The following SLC18A1 variants were observed in gnomAD, a reference collection of about 807,000 sequenced individuals.
SLC18A1 encodes the protein solute carrier family 18 member A1, also known as chromaffin granule amine transporter.
SLC18A1 carries 69 observed loss-of-function variants against 53.7 expected under a neutral mutation model. That is an observed-to-expected ratio of 1.28 (90% CI 1.06 to 1.57). The LOEUF is 1.57. Ranked by LOEUF, SLC18A1 falls within the 40% of genes most tolerant of loss-of-function variation. The pLI is 0.00. For missense variants in SLC18A1, 932 were observed against 668.1 expected (o/e 1.40, Z -4.35); for synonymous variants, 320 against 248.1 (o/e 1.29, Z -2.72).
chr8:20,168,930 A>G (rs73669732), intron 8 of SLC18A1, among the ~76,000 whole-genome samples: 12,675 of 152,264 alleles, frequency 0.083, 1,411 homozygotes, highest in East Asian at 0.28. Flanking sequence ...TGGGTCAGTC[A>G]AGAATCATCA....
chr8:20,167,230 A>G (rs576675029), intron 8 of SLC18A1, among the ~76,000 whole-genome samples: 2 of 152,262 alleles, frequency 1.3e-5, no homozygotes, highest in Admixed American at 1.3e-4. Flanking sequence ...TAATGGAAGT[A>G]CGGTAATTTC....
rs76273579 is a variant in SLC18A1, at chr8:20,171,967, T to A, written c.725-473A>T. Among the ~76,000 whole-genome samples the A allele has an allele frequency of 7.5e-3, 1,138 of 152,298 alleles. 12 individuals are homozygous for A. Among genetic ancestry groups the A allele is most frequent in the African/African-American group, 0.024 (987 of 41,550 alleles). On this transcript the variant is annotated intron_variant, in intron 6 of 15. Transcript: ENST00000276373. ...GCGGGTGTTAGCAGAGTATGAATAT[T>A]TGCGAGGAGAAAAGTAGAGCCTTGC...
chr8:20,171,272 T>G, intron 7 of SLC18A1, 126 bp from the exon 8 acceptor site: 1 of 1,326,102 alleles, frequency 7.5e-7, no homozygotes, highest in Non-Finnish European at 1.1e-6. Context: ...CTTTCTTTTC[T>G]ACAACGGGGC....
At chr8:20,170,403 A>G (rs1585215556) in intron 8 of SLC18A1, among the ~76,000 whole-genome samples, 1 of 152,336 alleles carries the variant, frequency 6.6e-6, no homozygotes, top group Admixed American at 6.5e-5. Flanking sequence ...AAAGCCCTGA[A>G]GAATGATGAG....
At chr8:20,155,540 T>C (rs565394657) in intron 10 of SLC18A1, among the ~76,000 whole-genome samples, 2 of 152,258 alleles carry the variant, frequency 1.3e-5, no homozygotes, top group South Asian at 4.1e-4. Flanking sequence ...CATTGATCAG[T>C]CAAGATCATG....
At position 20,173,603 on chromosome 8, in the gene SLC18A1, G is replaced by T. The variant is rs146307496; in HGVS notation, c.632-475C>A. Among the ~76,000 whole-genome samples, 83 of 152,162 alleles carry T rather than the reference G, an allele frequency of 5.5e-4. No individual in the cohort carries two copies. In the East Asian group the frequency reaches 0.014, roughly 27 times the overall value. Reference sequence around the variant, plus strand: ...GGACCCTCTGGCCTTCATAGCTATGGGTAAAATGGCATAAAATGCCAACTT... The same window carrying T: ...GGACCCTCTGGCCTTCATAGCTATGTGTAAAATGGCATAAAATGCCAACTT... On this transcript the variant is annotated intron_variant, in intron 5 of 15. Transcript: ENST00000276373.
chr8:20,150,624 C>G lies in SLC18A1; in HGVS notation c.1094+42G>C, dbSNP rs769789621. The G allele has an allele frequency of 1.9e-6, 3 of 1,547,428 alleles. No individual in the cohort carries two copies. The South Asian group carries it at 3.3e-5, about 17-fold the overall frequency. ...AGATCAGGAACGGGCGCTCTTCCAT[C>G]TTACATTTCTACTGTTCGTCCCAGA... On this transcript the variant is annotated intron_variant, in intron 11 of 15. Transcript: ENST00000276373.
At chr8:20,148,353 C>A in intron 12 of SLC18A1, 1 of 843,222 alleles carries the variant, frequency 1.2e-6, no homozygotes, top group Non-Finnish European at 1.7e-6. Context: ...CTCCATTATG[C>A]TCTAACGAGG....
intron 10 of SLC18A1, among the ~76,000 whole-genome samples, chr8:20,152,322 T>C (rs2071577316): frequency 6.6e-6 from 1 of 152,210 alleles, no homozygotes; most frequent in South Asian, 2.1e-4. Flanking sequence ...ATTGGATTTA[T>C]ATTTTCTAAA....
chr8:20,147,394 G>A lies in SLC18A1; in HGVS notation c.1331-3C>T, dbSNP rs1471112602. On this transcript the variant is annotated splice_polypyrimidine_tract_variant and splice_region_variant and intron_variant, in intron 14 of 15. Transcript: ENST00000276373. ...AATGGCACCACCGGTGGATGGACCT[G>A]GGAGGGATACATCAAAGTCATAAGT... 1.1e-5 allele frequency: 17 copies of A among 1,604,400 alleles called. No individual in the cohort carries two copies. Among genetic ancestry groups the A allele is most frequent in the Non-Finnish European group, 1.2e-5 (14 of 1,176,336 alleles).
chr8:20,151,103 CT>C (rs2071540775), intron 10 of SLC18A1: 1 of 210,936 alleles, frequency 4.7e-6, no homozygotes, highest in South Asian at 1.1e-4. Flanking sequence ...TCCCAAGTGG[CT>C]GGGATTACAG....
In SLC18A1 at chr8:20,178,634, T is replaced by C. The variant is rs150516096; in HGVS notation, c.489-141A>G. 1,460 of 658,182 alleles carry C rather than the reference T, an allele frequency of 2.2e-3. 17 individuals are homozygous for C. The African/African-American group carries it at 0.024, about 11-fold the overall frequency. The allele number at this position is 658,182 out of a possible 1,614,324, so 40.8% of individuals were successfully genotyped here. ...CATGCCTCTGAATGTAGTGTGGAGATGAAATAGGGCATGTGGATGAGTATG... is the reference window on the plus strand; with the variant it reads ...CATGCCTCTGAATGTAGTGTGGAGACGAAATAGGGCATGTGGATGAGTATG... On this transcript the variant is annotated intron_variant, in intron 3 of 15. Coordinates refer to ENST00000276373, the MANE Select transcript of SLC18A1 (RefSeq NM_003053.4).
rs116158158 is a variant in SLC18A1, at chr8:20,153,323, T to C, written c.1016-2579A>G. Reference sequence around the variant, plus strand: ...TGGCAAGTGACAAGCCCAGAGGGAGTGAGGAGTTTCAGAAGAGTGACATCC... The same window carrying C: ...TGGCAAGTGACAAGCCCAGAGGGAGCGAGGAGTTTCAGAAGAGTGACATCC... On this transcript the variant is annotated intron_variant, in intron 10 of 15. Coordinates refer to ENST00000276373, the MANE Select transcript of SLC18A1 (RefSeq NM_003053.4). 7.0e-3 allele frequency among the ~76,000 whole-genome samples: 1,061 copies of C among 150,896 alleles called. 14 individuals are homozygous for C. Among genetic ancestry groups the C allele is most frequent in the African/African-American group, 0.025 (1,015 of 41,090 alleles).
intron 1 of SLC18A1, among the ~76,000 whole-genome samples, chr8:20,181,333 C>T (rs1482612916): frequency 6.6e-6 from 1 of 152,106 alleles, no homozygotes; most frequent in Non-Finnish European, 1.5e-5. Flanking sequence ...ATCACTTAAC[C>T]CTGTGTTTTT....
rs931654124 is a variant in SLC18A1, at chr8:20,173,075, T to C, written c.685A>G (p.Met229Val). ...YTDDHERGRA[M>V]GTALGGLALG... ...GCCAGGCCCCCCAGAGCAGTTCCCA[T>C]GGCTCGTCCTCTCTCATGGTCATCA... The change falls in exon 6 of 16, where the codon ATG becomes GTG. Residue 229 changes from methionine to valine, a missense_variant. By Grantham distance (21) the Met-to-Val change is conservative. Coordinates refer to ENST00000276373, the MANE Select transcript of SLC18A1 (RefSeq NM_003053.4). The C allele has an allele frequency of 6.3e-7, 1 of 1,582,742 alleles. No individual in the cohort carries two copies. Among genetic ancestry groups the C allele is most frequent in the Non-Finnish European group, 8.6e-7 (1 of 1,164,806 alleles).
intron 4 of SLC18A1, among the ~76,000 whole-genome samples, chr8:20,178,002 T>C (rs2072291960): frequency 6.6e-6 from 1 of 152,200 alleles, no homozygotes; most frequent in South Asian, 2.1e-4. Context: ...CCAGATGTTA[T>C]TGTCCAATTT....
intron 10 of SLC18A1, among the ~76,000 whole-genome samples, chr8:20,152,163 T>A (rs921000707): frequency 1.1e-4 from 16 of 152,170 alleles, no homozygotes; most frequent in African/African-American, 9.7e-5. Flanking sequence ...TTAAGATGTC[T>A]TAAAGAAATC....
intron 11 of SLC18A1, among the ~76,000 whole-genome samples, 154 bp downstream of exon 11, chr8:20,150,512 C>T (rs1464377360): frequency 6.6e-6 from 1 of 152,212 alleles, no homozygotes; most frequent in Non-Finnish European, 1.5e-5. Context: ...TCACCACTCA[C>T]TCACTGCCCA....
chr8:20,178,556 A>G (rs1367655634), intron 3 of SLC18A1, 63 bp from the exon 4 acceptor site: 1 of 1,239,212 alleles, frequency 8.1e-7, no homozygotes, highest in Non-Finnish European at 1.2e-6. Flanking sequence ...CATGGACTAC[A>G]TTTTTAAATG....
Sources: allele counts gnomAD v4.1 joint callset (sites outside exome capture counted in the v4.1 genomes callset), GRCh38; gene constraint gnomAD v4.1.1; transcripts MANE v1.5; gene names NCBI Gene and HGNC (gene_info 2026-07-23, HGNC 2026-07-21).